Variants in IFT122 observed in about 807,000 individuals in gnomAD.
The protein encoded by IFT122 is intraflagellar transport 122, also known as intraflagellar transport protein 122 homolog.
Under a neutral mutation model 161.6 loss-of-function variants are expected in IFT122, and 118 were observed. The ratio of observed to expected loss-of-function variants is 0.73; its 90% CI spans 0.63 to 0.85. The LOEUF (loss-of-function observed/expected upper bound fraction) is 0.85, where lower values mean the gene tolerates loss of function less well. IFT122 is among the 40% of genes least tolerant of loss of function. The probability of loss-of-function intolerance (pLI) is 0.00; values close to 1 mark genes in which losing one functional copy is unlikely to be tolerated. For synonymous variants in IFT122, 550 were observed against 602.4 expected (o/e 0.91, Z 1.27); for missense variants, 1,381 against 1,579.6 (o/e 0.87, Z 2.13).
At chr3:129,474,916 A>G (rs760841455) in intron 9 of IFT122, among the ~76,000 whole-genome samples, 20 of 152,188 alleles carry the variant, frequency 1.3e-4, no homozygotes, top group Non-Finnish European at 2.4e-4. Flanking sequence ...GTGCTTTGGG[A>G]GGCAGAGACA....
At chr3:129,502,124 G>A (rs2081625037) in intron 19 of IFT122, among the ~76,000 whole-genome samples, 1 of 152,186 alleles carries the variant, frequency 6.6e-6, no homozygotes, top group Non-Finnish European at 1.5e-5. Flanking sequence ...TCAGCACGTT[G>A]GCCAGGAGGA....
intron 18 of IFT122, among the ~76,000 whole-genome samples, chr3:129,496,713 AT>A (rs974142957): frequency 1.1e-4 from 16 of 152,070 alleles, no homozygotes; most frequent in African/African-American, 3.6e-4. Context: ...CACCTTAGTG[AT>A]TTCTTCACTC....
At position 129,520,056 on chromosome 3, in the gene IFT122, T is replaced by A. The variant is rs2084561105; in HGVS notation, c.3637-120T>A. The A allele has an allele frequency of 4.9e-6, 4 of 809,628 alleles. No homozygotes were observed. In the South Asian group the frequency reaches 5.8e-5, roughly 12 times the overall value. 50.2% of individuals were successfully genotyped at this position (809,628 alleles called of 1,614,324 possible). On this transcript the variant is annotated intron_variant, in intron 29 of 29. Transcript: ENST00000348417. ...CCCTCAAACAAAGGTGCTGCAGGTCTGTGTCCAGCCCTGACCACTGCCAAG... is the reference window on the plus strand; with the variant it reads ...CCCTCAAACAAAGGTGCTGCAGGTCAGTGTCCAGCCCTGACCACTGCCAAG...
chr3:129,453,981 ACATT>A (rs780812247), intron 3 of IFT122, among the ~76,000 whole-genome samples: 7 of 152,182 alleles, frequency 4.6e-5, no homozygotes, highest in Non-Finnish European at 7.3e-5. Flanking sequence ...CATTGAGATA[ACATT>A]CTGTAGCCAC....
At chr3:129,487,799 G>C (rs551013801) in intron 15 of IFT122, 2 of 286,342 alleles carry the variant, frequency 7.0e-6, no homozygotes, top group African/African-American at 4.4e-5. Context: ...CTGTAACTGC[G>C]GCACAACCTG....
At chr3:129,496,749 G>A (rs1202476931) in intron 18 of IFT122, among the ~76,000 whole-genome samples, 1 of 152,114 alleles carries the variant, frequency 6.6e-6, no homozygotes, top group African/African-American at 2.4e-5. Flanking sequence ...AGGGTGTTCA[G>A]GCTCCCTCTA....
chr3:129,481,513 C>T lies in IFT122; in HGVS notation c.1489-17C>T, dbSNP rs752326839. On this transcript the variant is annotated splice_polypyrimidine_tract_variant and intron_variant, in intron 13 of 29. Coordinates refer to ENST00000348417, the MANE Select transcript of IFT122 (RefSeq NM_052989.3). ...TTGCCATGGTGACTGACACTGTTTT[C>T]GCTGAAATTTTGCCAGATCCTGAAG... 26 of 1,509,866 alleles carry T rather than the reference C, an allele frequency of 1.7e-5. No individual in the cohort carries two copies. Among genetic ancestry groups the T allele is most frequent in the Middle Eastern group, 1.7e-4 (1 of 5,760 alleles). 93.5% of individuals were successfully genotyped at this position (1,509,866 alleles called of 1,614,324 possible).
At chr3:129,479,030 A>G (rs1228851956) in intron 12 of IFT122, among the ~76,000 whole-genome samples, 2 of 152,154 alleles carry the variant, frequency 1.3e-5, no homozygotes, top group African/African-American at 4.8e-5. Context: ...TTGGAAGTAG[A>G]GGTGGATTTA....
chr3:129,447,410 A>C (rs761387212), intron 1 of IFT122, among the ~76,000 whole-genome samples: 1 of 152,218 alleles, frequency 6.6e-6, no homozygotes, highest in South Asian at 2.1e-4. Flanking sequence ...CCTGGGATCA[A>C]CAGAAAGGAA....
chr3:129,519,790 A>G, intron 29 of IFT122, 58 bp downstream of exon 29: 1 of 1,601,708 alleles, frequency 6.2e-7, no homozygotes, highest in Middle Eastern at 1.7e-4. Flanking sequence ...TCCCTTGCCC[A>G]AATGTCCCTC....
chr3:129,506,590 A>G, intron 22 of IFT122, 41 bp downstream of exon 22: 2 of 1,613,534 alleles, frequency 1.2e-6, no homozygotes, highest in Non-Finnish European at 1.7e-6. Flanking sequence ...CCCAAGCCCC[A>G]CTCTGACACC....
At chr3:129,479,710 A>G in intron 12 of IFT122, 75 bp from the exon 13 acceptor site, 2 of 1,573,828 alleles carry the variant, frequency 1.3e-6, no homozygotes, top group East Asian at 2.2e-5. Flanking sequence ...CCTTAGGGAC[A>G]GAAAGATCTC....
At chr3:129,473,106 G>C (rs768644722) in intron 9 of IFT122, among the ~76,000 whole-genome samples, 2 of 152,132 alleles carry the variant, frequency 1.3e-5, no homozygotes, top group Non-Finnish European at 2.9e-5. Context: ...TTCAAGACTA[G>C]CCTGGGCTAC....
intron 11 of IFT122, 150 bp from the exon 12 acceptor site, chr3:129,477,866 T>G: frequency 1.5e-6 from 1 of 674,366 alleles, no homozygotes; most frequent in Non-Finnish European, 2.6e-6. Flanking sequence ...GCAGAGTTGA[T>G]TGTATGTATT....
At chr3:129,462,266 G>A (rs2076284242) in intron 5 of IFT122, among the ~76,000 whole-genome samples, 1 of 152,162 alleles carries the variant, frequency 6.6e-6, no homozygotes, top group African/African-American at 2.4e-5. Context: ...CTACCCTCAA[G>A]GAGCTTGTGG....
Position 129,483,474 on chromosome 3 carries a change from C to G in IFT122, c.1654-11C>G. 1 of 1,613,802 alleles carries G rather than the reference C, an allele frequency of 6.2e-7. No individual in the cohort carries two copies. Among genetic ancestry groups the G allele is most frequent in the Non-Finnish European group, 8.5e-7 (1 of 1,179,812 alleles). On this transcript the variant is annotated splice_polypyrimidine_tract_variant and intron_variant, in intron 14 of 29. Transcript: ENST00000348417. The stretch of plus-strand genomic sequence containing the variant: ...GGTTCTCACAGGATCCCCACTGTCC[C>G]TGTTCCCCAGGAACCAAACGCCAAC...
intron 16 of IFT122, among the ~76,000 whole-genome samples, chr3:129,490,028 A>C (rs955359014): frequency 6.6e-6 from 1 of 151,654 alleles, no homozygotes; most frequent in African/African-American, 2.4e-5. Flanking sequence ...ATATATTTTT[A>C]TATATTTGTT....
intron 5 of IFT122, 25 bp downstream of exon 5, chr3:129,461,329 G>C (rs1577367975): frequency 1.3e-6 from 2 of 1,551,328 alleles, no homozygotes; most frequent in African/African-American, 1.4e-5. Context: ...CTGATGTCCT[G>C]TCCTGGAATA....
intron 5 of IFT122, 132 bp downstream of exon 5, chr3:129,461,436 G>A (rs2076207350): frequency 1.3e-6 from 1 of 741,052 alleles, no homozygotes; most frequent in African/African-American, 1.7e-5. Flanking sequence ...AATGGCTGAG[G>A]GGAGGCTGAC....
Sources: allele counts gnomAD v4.1 joint callset (sites outside exome capture counted in the v4.1 genomes callset), GRCh38; gene constraint gnomAD v4.1.1; transcripts MANE v1.5; gene names NCBI Gene and HGNC (gene_info 2026-07-23, HGNC 2026-07-21).